Variants in ASIC4 observed in about 807,000 individuals in gnomAD.
ASIC4 encodes the protein acid sensing ion channel subunit family member 4.
ASIC4 carries 28 observed loss-of-function variants against 53.4 expected under a neutral mutation model. The ratio of observed to expected loss-of-function variants is 0.52; its 90% confidence interval spans 0.39 to 0.72. The LOEUF is 0.72. Among genes scored for constraint, ASIC4 ranks in the 30% least tolerant of loss-of-function variants. The pLI, the probability that ASIC4 is intolerant of heterozygous loss-of-function variation, is 0.00. For missense variants in ASIC4, 649 were observed against 729.7 expected (o/e 0.89, Z 1.27); for synonymous variants, 289 against 301.4 (o/e 0.96, Z 0.43).
At chr2:219,519,835 A>G (rs1259046063) in intron 1 of ASIC4, among the ~76,000 whole-genome samples, 1 of 151,614 alleles carries the variant, frequency 6.6e-6, no homozygotes, top group Admixed American at 6.6e-5. Context: ...AAGTCGGGCC[A>G]TCTACTCTGT....
At chr2:219,525,606 G>A (rs1049250002) in intron 1 of ASIC4, among the ~76,000 whole-genome samples, 2 of 152,206 alleles carry the variant, frequency 1.3e-5, no homozygotes, top group East Asian at 3.8e-4. Flanking sequence ...TCTGAGCAGC[G>A]CAGACACCTC....
At position 219,514,911 on chromosome 2, in the gene ASIC4, C is replaced by T. The variant is rs1435131201; in HGVS notation, c.187C>T (p.His63Tyr). ...GLGRACGPGP[H>Y]GLRRTLWALA... ...GGGCCGGGCCTGTGGCCCAGGCCCCCACGGACTGCGCAGAACCCTGTGGGC... is the reference window on the plus strand; with the variant it reads ...GGGCCGGGCCTGTGGCCCAGGCCCCTACGGACTGCGCAGAACCCTGTGGGC... The change falls in exon 1 of 10, where the codon CAC becomes TAC. Residue 63 changes from histidine to tyrosine, a missense_variant. Physicochemically the swap from His to Tyr is moderately conservative, Grantham distance 83 (BLOSUM62 2). Transcript: ENST00000358078. 1 of 1,612,886 alleles carries T rather than the reference C, an allele frequency of 6.2e-7. No individual in the cohort carries two copies. Among genetic ancestry groups the T allele is most frequent in the African/African-American group, 1.3e-5 (1 of 74,894 alleles).
chr2:219,520,152 G>A (rs887860996), intron 1 of ASIC4, among the ~76,000 whole-genome samples: 9 of 151,990 alleles, frequency 5.9e-5, no homozygotes, highest in East Asian at 1.9e-4. Context: ...TGGGCTCTCC[G>A]GTCTCCCTCC....
chr2:219,531,885 C>G lies in ASIC4; in HGVS notation c.710C>G (p.Pro237Arg). 1 of 1,611,788 alleles carries G rather than the reference C, an allele frequency of 6.2e-7. No homozygotes were observed. Among genetic ancestry groups the G allele is most frequent in the Non-Finnish European group, 8.5e-7 (1 of 1,178,572 alleles). Residue 237 changes from proline (P) to arginine (R), a missense_variant, in exon 2 of 10, where the codon CCC becomes CGC. By Grantham distance (103) the Pro-to-Arg change is moderately radical (BLOSUM62 -2). Coordinates refer to ENST00000358078, the MANE Select transcript of ASIC4 (RefSeq NM_018674.6). The stretch of plus-strand genomic sequence containing the variant: ...GACATCCAGCAGGAGGAGTACCTGC[C>G]CATCTGGAGGGAGACAAGTACGCAG... ...MLDIQQEEYLPIWRETNETSF... is the reference protein window; with the variant it reads ...MLDIQQEEYLRIWRETNETSF...
chr2:219,532,005 G>C lies in ASIC4; in HGVS notation c.732G>C (p.Glu244Asp). The change falls in exon 3 of 10, where the codon GAG (glutamate) becomes GAC (aspartate). Residue 244 changes from glutamate (E) to aspartate (D), a missense_variant. Coordinates refer to ENST00000358078, the MANE Select transcript of ASIC4 (RefSeq NM_018674.6). Reference protein sequence around the residue: ...EYLPIWRETNETSFEAGIRVQ... With the variant: ...EYLPIWRETNDTSFEAGIRVQ... ...GTCCCCATCTCTGCTGTGCAGATGA[G>C]ACGTCGTTTGAGGCAGGTATTCGGG... The C allele has an allele frequency of 1.2e-6, 2 of 1,614,234 alleles. No individual in the cohort carries two copies. The highest frequency in any genetic ancestry group is 1.7e-6 in the Non-Finnish European group (2 of 1,180,032).
Position 219,537,396 on chromosome 2 carries a change from G to A in ASIC4, c.1401+75G>A, listed in dbSNP as rs747181353. The A allele has an allele frequency of 3.3e-6, 5 of 1,499,434 alleles. No homozygotes were observed. In the East Asian group the frequency reaches 1.2e-4, roughly 36 times the overall value. 92.9% of individuals were successfully genotyped at this position (1,499,434 alleles called of 1,614,324 possible). A position where few individuals can be genotyped will look rare whatever the true frequency, so the allele number is the denominator to read the frequency against. On this transcript the variant is annotated intron_variant, in intron 8 of 9. Coordinates refer to ENST00000358078, the MANE Select transcript of ASIC4 (RefSeq NM_018674.6). This position sits in a 1 kb window ranked among gnomAD's most constrained non-coding sequence, Gnocchi z 4.9. ...AGAAGGGGGCAGTGCGGGGTGCCTG[G>A]TGGAGCTGGCCTGGCTGGAAAGTCA...
In ASIC4 at chr2:219,517,471, C is replaced by T. The variant is rs1319402567; in HGVS notation, c.582+2165C>T. Among the ~76,000 whole-genome samples the T allele has an allele frequency of 6.6e-6, 1 of 152,186 alleles. No homozygotes were observed. The highest frequency in any genetic ancestry group is 1.9e-4 in the East Asian group (1 of 5,198). ...CCTTTGGGATTTCCATTTCCCCTGT[C>T]TCCAGCCCAGCCTCCTACTCTTCTG... On this transcript the variant is annotated intron_variant, in intron 1 of 9. Coordinates refer to ENST00000358078, the MANE Select transcript of ASIC4 (RefSeq NM_018674.6). This position sits in a 1 kb window ranked among gnomAD's most constrained non-coding sequence, Gnocchi z 4.2.
chr2:219,520,511 G>A, intron 1 of ASIC4, among the ~76,000 whole-genome samples: 1 of 152,186 alleles, frequency 6.6e-6, no homozygotes, highest in Non-Finnish European at 1.5e-5. Context: ...CCTACACTTG[G>A]CCCTGGGAGG....
chr2:219,528,625 C>T (rs920452078), intron 1 of ASIC4, among the ~76,000 whole-genome samples: 1 of 151,776 alleles, frequency 6.6e-6, no homozygotes, highest in African/African-American at 2.4e-5. Context: ...CTGCAACCTC[C>T]ACCTCCTGAG....
In ASIC4 at chr2:219,516,400, C is replaced by A. The variant is rs538281424; in HGVS notation, c.582+1094C>A. Among the ~76,000 whole-genome samples the A allele has an allele frequency of 5.3e-5, 8 of 152,148 alleles. No individual in the cohort carries two copies. The South Asian group carries it at 1.7e-3, about 32-fold the overall frequency. ...AGGGGTGTGAGCTTGGGCTGCTCTG[C>A]CATGCACGCCTCCCACAGTCAGGTA... On this transcript the variant is annotated intron_variant, in intron 1 of 9. Transcript: ENST00000358078. This position sits in a 1 kb window ranked among gnomAD's most constrained non-coding sequence, Gnocchi z 4.9.
intron 1 of ASIC4, among the ~76,000 whole-genome samples, chr2:219,531,337 G>A (rs1319581248): frequency 6.6e-6 from 1 of 152,122 alleles, no homozygotes; most frequent in Non-Finnish European, 1.5e-5. Flanking sequence ...CTGCACACCA[G>A]CCTGGGCAAC....
upstream of ASIC4, among the ~76,000 whole-genome samples, chr2:219,513,878 C>A (rs1180306881): frequency 1.3e-5 from 2 of 152,200 alleles, no homozygotes. Flanking sequence ...AGCTGAGAAT[C>A]TTGAAGTCAC....
At position 219,538,274 on chromosome 2, in the gene ASIC4, C is replaced by T. The variant is rs903350921; in HGVS notation, c.*228C>T. 3 of 548,360 alleles carry T rather than the reference C, an allele frequency of 5.5e-6. No individual in the cohort carries two copies. In the East Asian group the frequency reaches 9.8e-5, roughly 18 times the overall value. The allele number at this position is 548,360 out of a possible 1,614,324, so 34.0% of individuals were successfully genotyped here. A position where few individuals can be genotyped will look rare whatever the true frequency, so the allele number is the denominator to read the frequency against. On this transcript the variant is annotated 3_prime_UTR_variant, in exon 10 of 10. Transcript: ENST00000358078. The stretch of plus-strand genomic sequence containing the variant: ...TGCCCCGGGAGGGCTGGAGACCAGG[C>T]CATGGGCCCTCACGGAGAGGAAGGG...
intron 1 of ASIC4, among the ~76,000 whole-genome samples, chr2:219,529,447 G>A (rs1012054360): frequency 2.0e-5 from 3 of 152,176 alleles, no homozygotes; most frequent in African/African-American, 4.8e-5. Flanking sequence ...GGTGAGGAAG[G>A]TACAGAGGAA....
upstream of ASIC4, among the ~76,000 whole-genome samples, chr2:219,510,264 C>T (rs538143176): frequency 1.1e-4 from 16 of 151,962 alleles, no homozygotes; most frequent in African/African-American, 2.2e-4. This position sits in a 1 kb window ranked among gnomAD's most constrained non-coding sequence, Gnocchi z 5.2. Flanking sequence ...GCTGCTGTGC[C>T]GCCTTATCTG....
At position 219,516,241 on chromosome 2, in the gene ASIC4, G is replaced by T. The variant is rs934127953; in HGVS notation, c.582+935G>T. On this transcript the variant is annotated intron_variant, in intron 1 of 9. Coordinates refer to ENST00000358078, the MANE Select transcript of ASIC4 (RefSeq NM_018674.6). This position sits in a 1 kb window ranked among gnomAD's most constrained non-coding sequence, Gnocchi z 4.9. ...CTCTCGCTTAGCTGCCAAGGACAGG[G>T]TCCCACTGTGGATGCCATCCCTTCT... Among the ~76,000 whole-genome samples the T allele has an allele frequency of 5.3e-5, 8 of 152,126 alleles. No homozygotes were observed. Among genetic ancestry groups the T allele is most frequent in the Non-Finnish European group, 1.2e-4 (8 of 68,028 alleles).
At chr2:219,529,770 A>C (rs1227889825) in intron 1 of ASIC4, among the ~76,000 whole-genome samples, 1 of 152,150 alleles carries the variant, frequency 6.6e-6, no homozygotes, top group African/African-American at 2.4e-5. Flanking sequence ...GGTAGACGGC[A>C]CTGTGTTCTG....
In ASIC4 at chr2:219,514,648, TCGGG is replaced by T. The variant is rs1559452486; in HGVS notation, c.-76_-73del. 2 of 1,612,630 alleles carry T rather than the reference TCGGG, an allele frequency of 1.2e-6. No individual in the cohort carries two copies. Among genetic ancestry groups the T allele is most frequent in the Non-Finnish European group, 1.7e-6 (2 of 1,179,486 alleles). On this transcript the variant is annotated 5_prime_UTR_variant, in exon 1 of 10. Coordinates refer to ENST00000358078, the MANE Select transcript of ASIC4 (RefSeq NM_018674.6). Reference sequence around the variant, plus strand: ...GAGCAGCCGCTGCCACCACTGCCACTCGGGAGGGCACCAGGGCTGCTGGCTAGGG... The same window carrying T: ...GAGCAGCCGCTGCCACCACTGCCACTAGGGCACCAGGGCTGCTGGCTAGGG...
At chr2:219,532,849 C>T (rs1446024718) in intron 4 of ASIC4, 34 bp from the exon 5 acceptor site, 15 of 1,594,840 alleles carry the variant, frequency 9.4e-6, no homozygotes, top group South Asian at 3.4e-5. Flanking sequence ...GGGAAGTGAT[C>T]GTAGATTCCA....
Sources: gnomAD v4.1 joint callset for allele counts (sites outside exome capture counted in the v4.1 genomes callset) on GRCh38, gnomAD v4.1.1 for gene constraint, Gnocchi (gnomAD v3.1) non-coding constraint, MANE v1.5 for transcripts, NCBI Gene and HGNC (gene_info 2026-07-23, HGNC 2026-07-21) for gene names.